Variants in DNAH11 observed in about 807,000 individuals in gnomAD.
DNAH11 encodes the protein dynein axonemal heavy chain 11.
A neutral mutation model predicts 526.0 loss-of-function variants in DNAH11; 442 were observed. The observed-to-expected ratio is 0.84, with a 90% CI of 0.78 to 0.91. The LOEUF (loss-of-function observed/expected upper bound fraction) is 0.91, where lower values mean the gene tolerates loss of function less well. DNAH11 is among the 40% of genes least tolerant of loss of function. The pLI is 0.00. For synonymous variants in DNAH11, 2,461 were observed against 1,935.9 expected (o/e 1.27, Z -7.12); for missense variants, 6,989 against 5,448.7 (o/e 1.28, Z -8.90).
At chr7:21,659,092 TTCATTCTTTTAG>T in intron 30 of DNAH11, 61 bp downstream of exon 30, 1 of 1,343,126 alleles carries the variant, frequency 7.4e-7, no homozygotes, top group Non-Finnish European at 1.0e-6. Flanking sequence ...GCTTGCTTCA[TTCATTCTTTTAG>T]TCATTCATTT....
intron 80 of DNAH11, 66 bp from the exon 81 acceptor site, chr7:21,899,914 T>C: frequency 6.4e-7 from 1 of 1,568,176 alleles, no homozygotes; most frequent in Non-Finnish European, 8.7e-7. Flanking sequence ...CTCAATTTAC[T>C]GGTAGCTCCC....
intron 39 of DNAH11, among the ~76,000 whole-genome samples, 192 bp from the exon 40 acceptor site, chr7:21,707,507 G>A (rs1784314238): frequency 6.6e-6 from 1 of 152,198 alleles, no homozygotes; most frequent in South Asian, 2.1e-4. Flanking sequence ...GTCTTGCTGA[G>A]TATTTGTAAG....
intron 36 of DNAH11, among the ~76,000 whole-genome samples, chr7:21,700,147 G>T (rs1173173329): frequency 6.6e-6 from 1 of 152,188 alleles, no homozygotes; most frequent in Non-Finnish European, 1.5e-5. Flanking sequence ...GCTAACAAGG[G>T]ATAAGGGCAA....
At chr7:21,649,651 C>G (rs963537449) in intron 28 of DNAH11, among the ~76,000 whole-genome samples, 8 of 150,926 alleles carry the variant, frequency 5.3e-5, no homozygotes, top group African/African-American at 1.7e-4. Context: ...TGCTGGTATC[C>G]TACTCTTTTT....
chr7:21,759,418 C>T (rs1255382945), intron 54 of DNAH11, among the ~76,000 whole-genome samples: 1 of 152,040 alleles, frequency 6.6e-6, no homozygotes, highest in African/African-American at 2.4e-5. Context: ...CTTTTAAAAA[C>T]AAATTGAAAT....
At chr7:21,574,867 C>CG (rs1784025643) in intron 8 of DNAH11, among the ~76,000 whole-genome samples, 18 of 42,860 alleles carry the variant, frequency 4.2e-4, no homozygotes, top group Non-Finnish European at 5.6e-4. Flanking sequence ...CTGCACTGGG[C>CG]TTTTTTTTTT....
chr7:21,633,795 G>A (rs116653150), intron 25 of DNAH11, among the ~76,000 whole-genome samples: 1 of 152,154 alleles, frequency 6.6e-6, no homozygotes, highest in African/African-American at 2.4e-5. Flanking sequence ...CTCATGCTGA[G>A]ACTTGAAGGG....
At chr7:21,823,066 G>A (rs1161095236) in intron 65 of DNAH11, among the ~76,000 whole-genome samples, 1 of 140,262 alleles carries the variant, frequency 7.1e-6, no homozygotes, top group Non-Finnish European at 1.5e-5. Context: ...CTCCCATTCT[G>A]TAGGTTGTCT....
At chr7:21,618,735 T>A (rs934473228) in intron 23 of DNAH11, among the ~76,000 whole-genome samples, 1 of 152,064 alleles carries the variant, frequency 6.6e-6, no homozygotes, top group Non-Finnish European at 1.5e-5. Context: ...AAAAGACAAA[T>A]GAGCCACTAC....
chr7:21,603,769 G>A (rs1290949223), intron 18 of DNAH11, among the ~76,000 whole-genome samples: 1 of 152,146 alleles, frequency 6.6e-6, no homozygotes, highest in Non-Finnish European at 1.5e-5. Flanking sequence ...GGAAGATTTA[G>A]ATATTCCTTG....
intron 28 of DNAH11, among the ~76,000 whole-genome samples, chr7:21,642,597 G>A (rs1787179156): frequency 6.6e-6 from 1 of 152,036 alleles, no homozygotes; most frequent in Non-Finnish European, 1.5e-5. Context: ...AGATAACATG[G>A]CAACTGCAGC....
chr7:21,875,514 T>G (rs1783670343), intron 74 of DNAH11, among the ~76,000 whole-genome samples: 1 of 152,046 alleles, frequency 6.6e-6, no homozygotes, highest in Non-Finnish European at 1.5e-5. Context: ...TACTGCACAT[T>G]GGGCCAGACA....
chr7:21,640,568 T>C (rs1277913225), intron 28 of DNAH11, among the ~76,000 whole-genome samples: 1 of 152,088 alleles, frequency 6.6e-6, no homozygotes, highest in Non-Finnish European at 1.5e-5. Context: ...GTTTATTGAA[T>C]AATATTAATT....
chr7:21,891,968 C>A (rs12700323), intron 76 of DNAH11, among the ~76,000 whole-genome samples: 3 of 151,572 alleles, frequency 2.0e-5, no homozygotes, highest in African/African-American at 4.9e-5. Context: ...AGTATGGTGC[C>A]CTGGGGAAGT....
intron 74 of DNAH11, among the ~76,000 whole-genome samples, chr7:21,880,206 A>G (rs1301105496): frequency 3.9e-5 from 6 of 152,202 alleles, no homozygotes; most frequent in Non-Finnish European, 5.9e-5. Flanking sequence ...TTCTGTTGGC[A>G]AAAACTTGGT....
chr7:21,623,171 T>A (rs1412144289), intron 25 of DNAH11, among the ~76,000 whole-genome samples: 1 of 152,044 alleles, frequency 6.6e-6, no homozygotes, highest in Non-Finnish European at 1.5e-5. Context: ...AACAGACACT[T>A]CTCAAAAGAA....
At chr7:21,790,262 C>T (rs574616516) in intron 61 of DNAH11, among the ~76,000 whole-genome samples, 146 of 152,056 alleles carry the variant, frequency 9.6e-4, no homozygotes, top group African/African-American at 3.3e-3. Context: ...CTGGCTAACA[C>T]GGTGAAACCC....
intron 59 of DNAH11, 91 bp from the exon 60 acceptor site, chr7:21,787,310 G>T (rs367928502): frequency 7.5e-6 from 10 of 1,333,530 alleles, no homozygotes; most frequent in Non-Finnish European, 1.0e-5. Context: ...CTTTTGTAAT[G>T]TGAGTCCTAA....
rs1468752879 is a variant in DNAH11, at chr7:21,559,599, G to C, written c.693-4G>C. On this transcript the variant is annotated splice_polypyrimidine_tract_variant and splice_region_variant and intron_variant, in intron 3 of 81. Transcript: ENST00000409508. ...GAATTATTTTATTATCTTAATGTTT[G>C]TAGGCCACCGTCAAACGAAAGGATA... 6.3e-7 allele frequency: 1 copy of C among 1,594,570 alleles called. No homozygotes were observed. Among genetic ancestry groups the C allele is most frequent in the Non-Finnish European group, 8.5e-7 (1 of 1,170,178 alleles).
Sources: allele counts gnomAD v4.1 joint callset (sites outside exome capture counted in the v4.1 genomes callset), GRCh38; gene constraint gnomAD v4.1.1; transcripts MANE v1.5; gene names NCBI Gene and HGNC (gene_info 2026-07-23, HGNC 2026-07-21).